PRKG1: variants seen among roughly 807,000 people sequenced by gnomAD.
The protein encoded by PRKG1 is cGMP-dependent protein kinase 1.
A neutral mutation model predicts 88.1 loss-of-function variants in PRKG1; 35 were observed. The observed-to-expected ratio is 0.40, with a 90% CI of 0.30 to 0.53. PRKG1 has a LOEUF of 0.53. Among genes scored for constraint, PRKG1 ranks in the 20% least tolerant of loss-of-function variants. The pLI, the probability that PRKG1 is intolerant of heterozygous loss-of-function variation, is 0.59. For synonymous variants in PRKG1, 303 were observed against 292.5 expected (o/e 1.04, Z -0.37); for missense variants, 540 against 839.8 (o/e 0.64, Z 4.41).
chr10:51,704,635 A>G (rs1841560580), intron 3 of PRKG1, among the ~76,000 whole-genome samples: 2 of 152,226 alleles, frequency 1.3e-5, no homozygotes, highest in Non-Finnish European at 2.9e-5. Context: ...ATAATCTGGC[A>G]TAGATAGGTA....
chr10:51,843,738 A>C (rs545951667), intron 4 of PRKG1, among the ~76,000 whole-genome samples: 2 of 152,260 alleles, frequency 1.3e-5, no homozygotes, highest in South Asian at 4.1e-4. Flanking sequence ...TTGGATTTTT[A>C]TGTATACTGA....
intron 2 of PRKG1, among the ~76,000 whole-genome samples, chr10:51,186,956 A>ATATATATATATATATATATATATATG (rs1564631474): frequency 1.0e-4 from 8 of 77,736 alleles, no homozygotes; most frequent in Non-Finnish European, 2.0e-4. Context: ...GCCCTGTGTT[A>ATATATATATATATATATATATATATG]TATATATATA....
At chr10:51,626,434 G>A (rs1839339250) in intron 3 of PRKG1, among the ~76,000 whole-genome samples, 1 of 152,192 alleles carries the variant, frequency 6.6e-6, no homozygotes, top group African/African-American at 2.4e-5. Flanking sequence ...CATGTTGTTA[G>A]GGAAACACAT....
chr10:51,496,600 T>A (rs1165363275), intron 3 of PRKG1, among the ~76,000 whole-genome samples: 2 of 152,190 alleles, frequency 1.3e-5, no homozygotes, highest in East Asian at 3.8e-4. Flanking sequence ...GTATGACTTC[T>A]TTTCCCAAGG....
At chr10:51,195,470 C>A (rs186811922) in intron 2 of PRKG1, among the ~76,000 whole-genome samples, 23 of 152,270 alleles carry the variant, frequency 1.5e-4, no homozygotes, top group Admixed American at 6.5e-4. Context: ...CTGACAACTT[C>A]AGAAACAAGG....
At chr10:51,835,929 C>T (rs992459700) in intron 4 of PRKG1, among the ~76,000 whole-genome samples, 3 of 152,142 alleles carry the variant, frequency 2.0e-5, no homozygotes, top group African/African-American at 7.2e-5. Flanking sequence ...ACAAATTTAA[C>T]AGATGTGAGG....
At chr10:51,231,710 AT>A (rs758817416) in intron 2 of PRKG1, among the ~76,000 whole-genome samples, 5,215 of 139,736 alleles carry the variant, frequency 0.037, 170 homozygotes, top group African/African-American at 0.1. Flanking sequence ...CATCTGAAAC[AT>A]TTTTTTTTTT....
At chr10:52,044,820 C>A (rs1845827365) in intron 5 of PRKG1, among the ~76,000 whole-genome samples, 1 of 152,128 alleles carries the variant, frequency 6.6e-6, no homozygotes, top group African/African-American at 2.4e-5. Flanking sequence ...GATGGGGTTA[C>A]AGCTTCTCTT....
At chr10:51,000,589 G>A (rs1842877844) in intron 1 of PRKG1, among the ~76,000 whole-genome samples, 1 of 152,154 alleles carries the variant, frequency 6.6e-6, no homozygotes, top group African/African-American at 2.4e-5. Context: ...ATAATTGGTG[G>A]CACCAGGGAT....
At chr10:51,872,475 G>T (rs971164809) in intron 4 of PRKG1, among the ~76,000 whole-genome samples, 1 of 152,128 alleles carries the variant, frequency 6.6e-6, no homozygotes, top group Non-Finnish European at 1.5e-5. Context: ...TGTGCATTCA[G>T]TTCAATAAAC....
intron 1 of PRKG1, among the ~76,000 whole-genome samples, chr10:51,140,146 T>C (rs981531188): frequency 2.0e-5 from 3 of 152,216 alleles, no homozygotes; most frequent in African/African-American, 7.2e-5. Flanking sequence ...GCCTAAATGC[T>C]GCATTGTCAA....
chr10:51,524,164 C>T (rs1029226858), intron 3 of PRKG1, among the ~76,000 whole-genome samples: 2 of 152,140 alleles, frequency 1.3e-5, no homozygotes, highest in African/African-American at 4.8e-5. Flanking sequence ...GAGGCCCCCT[C>T]AGAAGCTGAG....
intron 5 of PRKG1, among the ~76,000 whole-genome samples, chr10:52,040,798 G>C (rs1290495234): frequency 6.8e-6 from 1 of 146,378 alleles, no homozygotes; most frequent in Non-Finnish European, 1.5e-5. Context: ...GCTTAAGTAT[G>C]ATGTTAGCTG....
At chr10:51,048,954 C>T (rs1000676278) in intron 1 of PRKG1, among the ~76,000 whole-genome samples, 5 of 152,020 alleles carry the variant, frequency 3.3e-5, no homozygotes, top group Non-Finnish European at 7.4e-5. Flanking sequence ...CCTAAATTCT[C>T]AGTGGCCTAG....
At chr10:52,087,713 T>A (rs1846951267) in intron 7 of PRKG1, among the ~76,000 whole-genome samples, 1 of 152,184 alleles carries the variant, frequency 6.6e-6, no homozygotes, top group South Asian at 2.1e-4. Flanking sequence ...TGCCACTAAA[T>A]TGCATCTGGC....
At chr10:51,190,773 G>A (rs1303959146) in intron 2 of PRKG1, among the ~76,000 whole-genome samples, 1 of 151,858 alleles carries the variant, frequency 6.6e-6, no homozygotes, top group Non-Finnish European at 1.5e-5. Context: ...CGACAGTGAA[G>A]TGCAGAGCAT....
rs115807779 is a variant in PRKG1 at position 51,550,411 on chromosome 10, A to C, written c.592+82575A>C. Among the ~76,000 whole-genome samples the C allele has an allele frequency of 6.1e-3, 935 of 152,054 alleles. 6 individuals carry two copies. The highest frequency in any genetic ancestry group is 0.022 in the African/African-American group (899 of 41,524). ...GTTTTTTTTATGAAATCTCCATATA[A>C]TTTTAGTACAAATGACGAAAGGAGA... On this transcript the variant is annotated intron_variant, in intron 3 of 17. Coordinates refer to ENST00000373980, the MANE Select transcript of PRKG1 (RefSeq NM_006258.4).
rs541269315 is a variant in PRKG1 at position 51,927,077 on chromosome 10, C to T, written c.762+19507C>T. Among the ~76,000 whole-genome samples, 4 of 151,962 alleles carry T rather than the reference C, an allele frequency of 2.6e-5. No homozygotes were observed. In the East Asian group the frequency reaches 7.8e-4, roughly 29 times the overall value. On this transcript the variant is annotated intron_variant, in intron 5 of 17. Transcript: ENST00000373980. Reference sequence around the variant, plus strand: ...TGCTTAAAATATAGATTTCTAGAAGCCACCTGAGAATTACTGAAATGTATC... The same window carrying T: ...TGCTTAAAATATAGATTTCTAGAAGTCACCTGAGAATTACTGAAATGTATC...
intron 6 of PRKG1, among the ~76,000 whole-genome samples, chr10:52,061,531 G>C (rs1846235432): frequency 6.6e-6 from 1 of 151,976 alleles, no homozygotes; most frequent in African/African-American, 2.4e-5. Context: ...CTCTATTTTT[G>C]TTTTCATTCA....
Sources: allele counts gnomAD v4.1 joint callset (sites outside exome capture counted in the v4.1 genomes callset), GRCh38; gene constraint gnomAD v4.1.1; transcripts MANE v1.5; gene names NCBI Gene and HGNC (gene_info 2026-07-23, HGNC 2026-07-21).